Variants in SAMD4B observed in about 807,000 individuals in gnomAD.
SAMD4B encodes the protein protein Smaug homolog 2.
In SAMD4B, 5 loss-of-function variants were observed where a neutral mutation model predicts 74.5. That is an observed-to-expected ratio of 0.07 (90% CI 0.04 to 0.14). The LOEUF (loss-of-function observed/expected upper bound fraction) is 0.14, where lower values mean the gene tolerates loss of function less well. SAMD4B is among the 10% of genes least tolerant of loss of function. SAMD4B has a pLI of 1.00. For synonymous variants in SAMD4B, 373 were observed against 374.9 expected (o/e 1.00, Z 0.06); for missense variants, 608 against 921.8 (o/e 0.66, Z 4.41).
downstream of SAMD4B, chr19:39,389,196 A>G: frequency 6.2e-7 from 1 of 1,613,772 alleles, no homozygotes; most frequent in Non-Finnish European, 8.5e-7. The surrounding 1 kb of genome is among the most constrained non-coding windows in gnomAD (Gnocchi z 5.3). Context: ...AGAAACCCCA[A>G]TCCTAGGAAT....
Position 39,378,479 on chromosome 19 carries a change from C to G in SAMD4B, c.1445-25C>G. The G allele has an allele frequency of 6.2e-7, 1 of 1,609,128 alleles. No individual in the cohort carries two copies. The highest frequency in any genetic ancestry group is 8.5e-7 in the Non-Finnish European group (1 of 1,175,794). On this transcript the variant is annotated intron_variant, in intron 8 of 13. Transcript: ENST00000610417. This position sits in a 1 kb window ranked among gnomAD's most constrained non-coding sequence, Gnocchi z 4.4. ...CAGAGGGCATACTAGGGGTTAACCTCCTGCCCTTTCTCATGTCCCCCCAGT... is the reference window on the plus strand; with the variant it reads ...CAGAGGGCATACTAGGGGTTAACCTGCTGCCCTTTCTCATGTCCCCCCAGT...
At chr19:39,368,370 A>T (rs1211998636) in intron 3 of SAMD4B, among the ~76,000 whole-genome samples, 1 of 152,070 alleles carries the variant, frequency 6.6e-6, no homozygotes, top group Non-Finnish European at 1.5e-5. Context: ...TACAAAAGAG[A>T]ATTTGTATAG....
downstream of SAMD4B, chr19:39,390,220 C>T: frequency 6.2e-7 from 1 of 1,613,610 alleles, no homozygotes; most frequent in Non-Finnish European, 8.5e-7. Context: ...CTCCCAGCCC[C>T]ACTGCCCCAC....
Position 39,383,168 on chromosome 19 carries a change from G to C in SAMD4B, c.1973-40G>C. The C allele has an allele frequency of 6.5e-7, 1 of 1,541,564 alleles. No individual in the cohort carries two copies. Among genetic ancestry groups the C allele is most frequent in the Non-Finnish European group, 9.0e-7 (1 of 1,113,834 alleles). The stretch of plus-strand genomic sequence containing the variant: ...TCCCAGCTGTCTTCACCTGAGTCCA[G>C]TTGGTCCTTACCACCCCCATTCTCC... On this transcript the variant is annotated intron_variant, in intron 12 of 13. Coordinates refer to ENST00000610417, the MANE Select transcript of SAMD4B (RefSeq NM_001384574.2). This position sits in a 1 kb window ranked among gnomAD's most constrained non-coding sequence, Gnocchi z 4.1.
chr19:39,385,565 G>C lies in SAMD4B; in HGVS notation c.*2038G>C. 2 of 489,338 alleles carry C rather than the reference G, an allele frequency of 4.1e-6. No individual in the cohort carries two copies. The allele number at this position is 489,338 out of a possible 1,614,324, so 30.3% of individuals were successfully genotyped here. On this transcript the variant is annotated 3_prime_UTR_variant, in exon 14 of 14. Transcript: ENST00000610417. ...ACCCTCCCTACCCACTTCTGTCCCC[G>C]GCCCCACTGGCAGAATCAGCTTTGA...
intron 1 of SAMD4B, among the ~76,000 whole-genome samples, chr19:39,345,528 C>A (rs1280447159): frequency 6.6e-6 from 1 of 152,186 alleles, no homozygotes; most frequent in Non-Finnish European, 1.5e-5. Context: ...TAGGCACCCT[C>A]CCCTTGAGGC....
At position 39,385,255 on chromosome 19, in the gene SAMD4B, G is replaced by A. The variant is rs2078216509; in HGVS notation, c.*1728G>A. Reference sequence around the variant, plus strand: ...CCCCTCCCACTAGCTGCAGGAAGTGGGATGGATGGGCCACCTCGTTTGGAA... The same window carrying A: ...CCCCTCCCACTAGCTGCAGGAAGTGAGATGGATGGGCCACCTCGTTTGGAA... On this transcript the variant is annotated 3_prime_UTR_variant, in exon 14 of 14. Coordinates refer to ENST00000610417, the MANE Select transcript of SAMD4B (RefSeq NM_001384574.2). 6 of 313,292 alleles carry A rather than the reference G, an allele frequency of 1.9e-5. No homozygotes were observed. The highest frequency in any genetic ancestry group is 3.5e-5 in the Non-Finnish European group (6 of 172,714). The allele number at this position is 313,292 out of a possible 1,614,324, so 19.4% of individuals were successfully genotyped here. A position where few individuals can be genotyped will look rare whatever the true frequency, so the allele number is the denominator to read the frequency against.
At chr19:39,380,491 C>T in intron 10 of SAMD4B, 96 bp from the exon 11 acceptor site, 5 of 1,285,522 alleles carry the variant, frequency 3.9e-6, no homozygotes, top group Non-Finnish European at 4.5e-6. Flanking sequence ...TTTATGTTCT[C>T]TCCTACAACT....
intron 3 of SAMD4B, among the ~76,000 whole-genome samples, chr19:39,367,940 C>T (rs369405040): frequency 2.0e-5 from 3 of 151,732 alleles, no homozygotes; most frequent in East Asian, 3.9e-4. Flanking sequence ...TGAGGCCGGG[C>T]GCAGTGGCTC....
At chr19:39,347,715 G>A (rs767124844) in intron 1 of SAMD4B, among the ~76,000 whole-genome samples, 10 of 152,180 alleles carry the variant, frequency 6.6e-5, no homozygotes, top group African/African-American at 9.7e-5. Flanking sequence ...TGCTGTGAGT[G>A]GAGTTTTGTT....
chr19:39,379,946 C>G lies in SAMD4B; in HGVS notation c.1531-20C>G. ...GGAAGCATCACCCTCTCTGCTTCAC[C>G]GGTGTCCTGCCAATTCTAGGCTTTC... On this transcript the variant is annotated intron_variant, in intron 9 of 13. Coordinates refer to ENST00000610417, the MANE Select transcript of SAMD4B (RefSeq NM_001384574.2). 1.9e-6 allele frequency: 3 copies of G among 1,593,134 alleles called. No individual in the cohort carries two copies. The highest frequency in any genetic ancestry group is 1.1e-5 in the South Asian group (1 of 90,170).
downstream of SAMD4B, chr19:39,389,950 C>G: frequency 9.6e-7 from 1 of 1,043,308 alleles, no homozygotes; most frequent in Admixed American, 1.8e-5. The surrounding 1 kb of genome is among the most constrained non-coding windows in gnomAD (Gnocchi z 5.3). Flanking sequence ...TGAGCAGCTA[C>G]TACTATGTGC....
downstream of SAMD4B, chr19:39,390,416 G>T: frequency 2.3e-6 from 2 of 853,060 alleles, no homozygotes; most frequent in Non-Finnish European, 3.9e-6. Flanking sequence ...GTGGTGGTGT[G>T]GGGAGTGTCC....
rs117428446 is a variant in SAMD4B, at chr19:39,378,091, A to T, written c.1444+267A>T. Among the ~76,000 whole-genome samples the T allele has an allele frequency of 7.1e-4, 108 of 152,326 alleles. No individual in the cohort carries two copies. The highest frequency in any genetic ancestry group is 6.8e-3 in the Middle Eastern group (2 of 294). ...CAGTGGGTCAGAAGAAATTCCATGTAGTAAAGGGTGAGCAGTTGAGGGGAG... is the reference window on the plus strand; with the variant it reads ...CAGTGGGTCAGAAGAAATTCCATGTTGTAAAGGGTGAGCAGTTGAGGGGAG... On this transcript the variant is annotated intron_variant, in intron 8 of 13. Transcript: ENST00000610417. This position sits in a 1 kb window ranked among gnomAD's most constrained non-coding sequence, Gnocchi z 4.4.
At chr19:39,357,263 G>A (rs1333907862) in intron 3 of SAMD4B, among the ~76,000 whole-genome samples, 174 bp downstream of exon 3, 1 of 152,114 alleles carries the variant, frequency 6.6e-6, no homozygotes, top group African/African-American at 2.4e-5. Flanking sequence ...GGACTGTGTT[G>A]CCATAAATCC....
At chr19:39,355,981 G>A (rs1379279667) in intron 2 of SAMD4B, among the ~76,000 whole-genome samples, 2 of 152,194 alleles carry the variant, frequency 1.3e-5, no homozygotes, top group Non-Finnish European at 2.9e-5. Flanking sequence ...ATAAATCAGA[G>A]TTGTGCCTTT....
downstream of SAMD4B, chr19:39,386,808 G>T: frequency 6.3e-7 from 1 of 1,592,342 alleles, no homozygotes. This position sits in a 1 kb window ranked among gnomAD's most constrained non-coding sequence, Gnocchi z 6.1. Context: ...CCCTGCAGGG[G>T]GTGAATTTGG....
chr19:39,348,898 GAAT>G, intron 1 of SAMD4B, among the ~76,000 whole-genome samples: 1 of 152,230 alleles, frequency 6.6e-6, no homozygotes, highest in East Asian at 1.9e-4. Flanking sequence ...GAGGAATCTA[GAAT>G]AATGATAATA....
At chr19:39,387,037 T>A, downstream of SAMD4B, 3 of 580,894 alleles carry the variant, frequency 5.2e-6, no homozygotes, top group Non-Finnish European at 9.3e-6. Context: ...GTGTGTGTTA[T>A]ACGGTGTATT....
Sources: gnomAD v4.1 joint callset for allele counts (sites outside exome capture counted in the v4.1 genomes callset) on GRCh38, gnomAD v4.1.1 for gene constraint, Gnocchi (gnomAD v3.1) non-coding constraint, MANE v1.5 for transcripts, NCBI Gene and HGNC (gene_info 2026-07-23, HGNC 2026-07-21) for gene names.